Variants in SAMD10 observed in about 807,000 individuals in gnomAD.
SAMD10 encodes sterile alpha motif domain-containing protein 10.
SAMD10 carries 16 observed loss-of-function variants against 22.5 expected under a neutral mutation model. The observed-to-expected ratio is 0.71, with a 90% CI of 0.48 to 1.08. The LOEUF (loss-of-function observed/expected upper bound fraction) is 1.08. Ranked by LOEUF, SAMD10 falls within the 50% of genes least tolerant of loss-of-function variation. The pLI, the probability that SAMD10 is intolerant of heterozygous loss-of-function variation, is 0.00. For synonymous variants in SAMD10, 118 were observed against 122.2 expected (o/e 0.97, Z 0.23); for missense variants, 227 against 281.3 (o/e 0.81, Z 1.38).
Position 63,979,458 on chromosome 20 carries a change from C to G in SAMD10, c.10G>C (p.Glu4Gln). 1 of 1,432,192 alleles carries G rather than the reference C, an allele frequency of 7.0e-7. No homozygotes were observed. Among genetic ancestry groups the G allele is most frequent in the Non-Finnish European group, 9.1e-7 (1 of 1,097,854 alleles). The allele number at this position is 1,432,192 out of a possible 1,614,324, so 88.7% of individuals were successfully genotyped here. The part of the protein sequence containing the change: MFT[E>Q]LRSKLSPPRG... ...GGGGGGCTCAGCTTGGACCTCAGCT[C>G]GGTGAACATGGGGCCCGCGGGTGCC... The change falls in exon 1 of 5, where the codon GAG (glutamate) becomes CAG (glutamine). Residue 4 changes from glutamate to glutamine, a missense_variant. Coordinates refer to ENST00000369886, the MANE Select transcript of SAMD10 (RefSeq NM_080621.5). This position sits in a 1 kb window ranked among gnomAD's most constrained non-coding sequence, Gnocchi z 7.7.
chr20:63,975,455 C>T lies in SAMD10; in HGVS notation c.*55G>A. On this transcript the variant is annotated 3_prime_UTR_variant, in exon 5 of 5. Transcript: ENST00000369886. Reference sequence around the variant, plus strand: ...CTGCGGGGCCAGCTTGGCCTCCTCCCTAGCCGTGGACTCCCATCACAGTGC... The same window carrying T: ...CTGCGGGGCCAGCTTGGCCTCCTCCTTAGCCGTGGACTCCCATCACAGTGC... 1 of 1,610,094 alleles carries T rather than the reference C, an allele frequency of 6.2e-7. No homozygotes were observed. The highest frequency in any genetic ancestry group is 1.1e-5 in the South Asian group (1 of 90,832).
chr20:63,976,833 A>C, intron 3 of SAMD10, 138 bp downstream of exon 3: 1 of 692,174 alleles, frequency 1.4e-6, no homozygotes, highest in Non-Finnish European at 2.4e-6. Context: ...GCGGAGATGA[A>C]GAACAGAGGG....
upstream of SAMD10, chr20:63,979,699 C>T: frequency 1.0e-6 from 1 of 985,216 alleles, no homozygotes. This position sits in a 1 kb window ranked among gnomAD's most constrained non-coding sequence, Gnocchi z 7.7. Flanking sequence ...CCTGCGTGCA[C>T]CAAGGCTGTC....
At position 63,979,300 on chromosome 20, in the gene SAMD10, C is replaced by T. The variant is rs1224369134; in HGVS notation, c.91+77G>A. 6 of 1,124,470 alleles carry T rather than the reference C, an allele frequency of 5.3e-6. No homozygotes were observed. The highest frequency in any genetic ancestry group is 6.6e-5 in the East Asian group (2 of 30,428). 69.7% of individuals were successfully genotyped at this position (1,124,470 alleles called of 1,614,324 possible). ...ACCGCCGCTCGAAGCCCGCCGGGTC[C>T]CGCCCCGCCCCCGTGCCTCTGGGTC... is the stretch of plus-strand genomic sequence containing the variant. On this transcript the variant is annotated intron_variant, in intron 1 of 4. Coordinates refer to ENST00000369886, the MANE Select transcript of SAMD10 (RefSeq NM_080621.5). This position sits in a 1 kb window ranked among gnomAD's most constrained non-coding sequence, Gnocchi z 7.7.
Position 63,975,228 on chromosome 20 carries a change from C to T in SAMD10, c.*282G>A, listed in dbSNP as rs1422604311. On this transcript the variant is annotated 3_prime_UTR_variant, in exon 5 of 5. Coordinates refer to ENST00000369886, the MANE Select transcript of SAMD10 (RefSeq NM_080621.5). Reference sequence around the variant, plus strand: ...ACCGGTTCTGGCTCCAGGCAGCTGCCCCACATGCTGCCAGCTGCACCAGGG... The same window carrying T: ...ACCGGTTCTGGCTCCAGGCAGCTGCTCCACATGCTGCCAGCTGCACCAGGG... 5.9e-6 allele frequency: 3 copies of T among 510,932 alleles called. No homozygotes were observed. The highest frequency in any genetic ancestry group is 7.9e-5 in the Admixed American group (2 of 25,312). 31.6% of individuals were successfully genotyped at this position (510,932 alleles called of 1,614,324 possible). A position where few individuals can be genotyped will look rare whatever the true frequency, so the allele number is the denominator to read the frequency against.
rs2059028468 is a variant in SAMD10, at chr20:63,977,032, C to T, written c.384G>A (p.Lys128=). The T allele has an allele frequency of 1.2e-6, 2 of 1,614,168 alleles. No homozygotes were observed. The highest frequency in any genetic ancestry group is 1.3e-5 in the African/African-American group (1 of 75,034). The part of the protein sequence containing the change: ...WSQQDVCKWL[K]KHCPHNYLVY... ...CGAGGTAGTTGTGGGGACAGTGCTT[C>T]TTGAGCCACTTGCAGACGTCCTGCT... The change falls in exon 3 of 5, where the codon AAG becomes AAA. Residue 128 remains lysine (K), a synonymous_variant. Transcript: ENST00000369886. The surrounding 1 kb of genome is among the most constrained non-coding windows in gnomAD (Gnocchi z 5.4).
intron 1 of SAMD10, among the ~76,000 whole-genome samples, chr20:63,978,973 G>C (rs892470809): frequency 6.6e-6 from 1 of 152,186 alleles, no homozygotes; most frequent in Non-Finnish European, 1.5e-5. Flanking sequence ...CGGTCTGTCG[G>C]TCCGGTCCCT....
intron 1 of SAMD10, chr20:63,978,506 C>G (rs1205055680): frequency 8.6e-6 from 3 of 346,838 alleles, no homozygotes; most frequent in African/African-American, 4.3e-5. Context: ...CGGCCTCAGA[C>G]TCAGCCACCC....
At chr20:63,978,565 A>T (rs566721500) in intron 1 of SAMD10, among the ~76,000 whole-genome samples, 1 of 152,264 alleles carries the variant, frequency 6.6e-6, no homozygotes, top group South Asian at 2.1e-4. Flanking sequence ...AGGTCTAAGT[A>T]TCGGTGAAAA....
intron 1 of SAMD10, chr20:63,978,262 G>T: frequency 7.8e-7 from 1 of 1,285,614 alleles, no homozygotes; most frequent in Non-Finnish European, 1.0e-6. Flanking sequence ...TGGGGAGGCA[G>T]GCGTCTTGAT....
intron 3 of SAMD10, among the ~76,000 whole-genome samples, chr20:63,976,595 T>C (rs1280886191): frequency 4.6e-5 from 7 of 150,974 alleles, no homozygotes; most frequent in Non-Finnish European, 8.9e-5. Flanking sequence ...AAACCCTGTC[T>C]CTACTAAAAA....
intron 3 of SAMD10, among the ~76,000 whole-genome samples, chr20:63,976,183 A>G (rs1226072860): frequency 7.3e-6 from 1 of 137,814 alleles, no homozygotes; most frequent in Non-Finnish European, 1.5e-5. Flanking sequence ...AGAAACAAAC[A>G]AACAAACAAA....
Position 63,979,483 on chromosome 20 carries a change from C to G in SAMD10, c.-16G>C. On this transcript the variant is annotated 5_prime_UTR_variant, in exon 1 of 5. Transcript: ENST00000369886. This position sits in a 1 kb window ranked among gnomAD's most constrained non-coding sequence, Gnocchi z 7.7. The stretch of plus-strand genomic sequence containing the variant: ...CGGTGAACATGGGGCCCGCGGGTGC[C>G]AGGCCCGCGCACACGCCCCTCGCCG... The G allele has an allele frequency of 7.5e-7, 1 of 1,329,512 alleles. No individual in the cohort carries two copies. The highest frequency in any genetic ancestry group is 3.2e-5 in the East Asian group (1 of 31,256). The allele number at this position is 1,329,512 out of a possible 1,614,324, so 82.4% of individuals were successfully genotyped here.
chr20:63,975,596 A>G (rs2059016429), intron 4 of SAMD10, 64 bp from the exon 5 acceptor site: 24 of 1,584,484 alleles, frequency 1.5e-5, no homozygotes, highest in Non-Finnish European at 2.1e-5. Flanking sequence ...TAGGGCGCTT[A>G]CTGGGGCCTG....
Position 63,975,206 on chromosome 20 carries a change from G to T in SAMD10, c.*304C>A, listed in dbSNP as rs2059013205. 4.1e-6 allele frequency: 2 copies of T among 482,054 alleles called. No homozygotes were observed. Among genetic ancestry groups the T allele is most frequent in the Non-Finnish European group, 7.3e-6 (2 of 273,190 alleles). The allele number at this position is 482,054 out of a possible 1,614,324, so 29.9% of individuals were successfully genotyped here. ...GGAGTCTAGGGGGGACATCCAAACC[G>T]GTTCTGGCTCCAGGCAGCTGCCCCA... On this transcript the variant is annotated 3_prime_UTR_variant, in exon 5 of 5. Coordinates refer to ENST00000369886, the MANE Select transcript of SAMD10 (RefSeq NM_080621.5).
chr20:63,980,091 C>G (rs1016655406), upstream of SAMD10: 25 of 152,618 alleles, frequency 1.6e-4, no homozygotes, highest in African/African-American at 6.0e-4. Flanking sequence ...AGGGGCTTGG[C>G]TTGCCTGGAG....
rs963851379 is a variant in SAMD10 at position 63,975,101 on chromosome 20, G to T, written c.*409C>A. On this transcript the variant is annotated 3_prime_UTR_variant, in exon 5 of 5. Transcript: ENST00000369886. ...GAACGACCTAGAACTGGGCTGGGTG[G>T]GTGGACAGACAAGTGACTCAGCAGG... 2.0e-5 allele frequency: 5 copies of T among 254,360 alleles called. No homozygotes were observed. Among genetic ancestry groups the T allele is most frequent in the Non-Finnish European group, 3.8e-5 (5 of 130,286 alleles). 15.8% of individuals were successfully genotyped at this position (254,360 alleles called of 1,614,324 possible).
chr20:63,974,612 G>C lies in SAMD10; in HGVS notation c.*898C>G, dbSNP rs981579440. On this transcript the variant is annotated 3_prime_UTR_variant, in exon 5 of 5. Transcript: ENST00000369886. ...AGGGGTTGCTCAGGCCTCTGGGAGGGTGTAAGGGGAGTGGCCCTGGGAAGG... is the reference window on the plus strand; with the variant it reads ...AGGGGTTGCTCAGGCCTCTGGGAGGCTGTAAGGGGAGTGGCCCTGGGAAGG... 1 of 152,508 alleles carries C rather than the reference G, an allele frequency of 6.6e-6. No homozygotes were observed. The highest frequency in any genetic ancestry group is 1.5e-5 in the Non-Finnish European group (1 of 68,128). 9.4% of individuals were successfully genotyped at this position (152,508 alleles called of 1,614,324 possible).
At position 63,977,270 on chromosome 20, in the gene SAMD10, G is replaced by C; in HGVS notation, c.228C>G (p.Ser76Arg). The C allele has an allele frequency of 6.2e-7, 1 of 1,613,450 alleles. No homozygotes were observed. Among genetic ancestry groups the C allele is most frequent in the Non-Finnish European group, 8.5e-7 (1 of 1,180,012 alleles). Residue 76 changes from serine (S) to arginine (R), a missense_variant, in exon 2 of 5, where the codon AGC becomes AGG. Transcript: ENST00000369886. This position sits in a 1 kb window ranked among gnomAD's most constrained non-coding sequence, Gnocchi z 5.4. ...HDSRSQRAAS[S>R]RPIKLLQQPG... ...GCTGCTGCAGGAGCTTGATTGGCCT[G>C]CTGCTGGCCGCCCTCTGGCTGCGGG... is the stretch of plus-strand genomic sequence containing the variant.
Sources: gnomAD v4.1 joint callset for allele counts (sites outside exome capture counted in the v4.1 genomes callset) on GRCh38, gnomAD v4.1.1 for gene constraint, Gnocchi (gnomAD v3.1) non-coding constraint, MANE v1.5 for transcripts, NCBI Gene and HGNC (gene_info 2026-07-23, HGNC 2026-07-21) for gene names.